The following DYNC1LI1 variants were observed in gnomAD, a reference collection of about 807,000 sequenced individuals.
DYNC1LI1 encodes dynein cytoplasmic 1 light intermediate chain 1.
In DYNC1LI1, 19 loss-of-function variants were observed where a neutral mutation model predicts 63.8. The observed-to-expected ratio is 0.30, with a 90% CI of 0.21 to 0.44. The LOEUF is 0.44. Ranked by LOEUF, DYNC1LI1 falls within the 20% of genes least tolerant of loss-of-function variation. The probability of loss-of-function intolerance (pLI) is 1.00; values close to 1 mark genes in which losing one functional copy is unlikely to be tolerated. For synonymous variants in DYNC1LI1, 225 were observed against 232.3 expected (o/e 0.97, Z 0.28); for missense variants, 565 against 630.2 (o/e 0.90, Z 1.11).
intron 2 of DYNC1LI1, among the ~76,000 whole-genome samples, chr3:32,563,971 T>C (rs1028197658): frequency 6.6e-6 from 1 of 152,234 alleles, no homozygotes; most frequent in Non-Finnish European, 1.5e-5. Context: ...CTCTATTAAC[T>C]GGCATTTGTG....
chr3:32,561,027 A>AAAAC (rs1559444454), intron 2 of DYNC1LI1, among the ~76,000 whole-genome samples: 3 of 141,076 alleles, frequency 2.1e-5, no homozygotes, highest in African/African-American at 8.9e-5. Context: ...AAAAAAAAAA[A>AAAAC]AAAAAACAAA....
Position 32,536,888 on chromosome 3 carries a change from C to T in DYNC1LI1, c.832+123G>A, listed in dbSNP as rs574700969. ...TTGGGAACTAAAATGAAATTTCCAA[C>T]CAGAGACAGAAGGAGAAATGTTTAC... On this transcript the variant is annotated intron_variant, in intron 6 of 12. Transcript: ENST00000273130. 146 of 566,810 alleles carry T rather than the reference C, an allele frequency of 2.6e-4. 3 individuals carry two copies. In the South Asian group the frequency reaches 3.5e-3, roughly 13 times the overall value. The allele number at this position is 566,810 out of a possible 1,614,324, so 35.1% of individuals were successfully genotyped here.
At chr3:32,528,390 T>C in intron 12 of DYNC1LI1, 56 bp downstream of exon 12, 1 of 1,595,856 alleles carries the variant, frequency 6.3e-7, no homozygotes, top group African/African-American at 1.3e-5. Flanking sequence ...GTGAACTTCA[T>C]TATATCTCAA....
At chr3:32,568,741 T>C (rs796938076) in intron 2 of DYNC1LI1, among the ~76,000 whole-genome samples, 4 of 152,258 alleles carry the variant, frequency 2.6e-5, no homozygotes, top group African/African-American at 9.6e-5. Context: ...CTGGACAAAA[T>C]GTATAAAATA....
intron 2 of DYNC1LI1, among the ~76,000 whole-genome samples, chr3:32,559,215 C>T (rs1223993517): frequency 6.6e-6 from 1 of 151,980 alleles, no homozygotes; most frequent in Non-Finnish European, 1.5e-5. Flanking sequence ...ATCAGTAATA[C>T]ACTAGAAATA....
chr3:32,562,722 G>C (rs544256519), intron 2 of DYNC1LI1, among the ~76,000 whole-genome samples: 26 of 152,228 alleles, frequency 1.7e-4, no homozygotes, highest in African/African-American at 6.3e-4. Context: ...ATTTTGAGAG[G>C]AAAGTGTTTT....
At chr3:32,560,975 C>T (rs1698181793) in intron 2 of DYNC1LI1, among the ~76,000 whole-genome samples, 1 of 124,296 alleles carries the variant, frequency 8.0e-6, no homozygotes, top group Non-Finnish European at 1.6e-5. Flanking sequence ...GCACTCCAGC[C>T]TGGGCAACAA....
At chr3:32,556,110 A>C (rs1698111236) in intron 2 of DYNC1LI1, among the ~76,000 whole-genome samples, 1 of 152,132 alleles carries the variant, frequency 6.6e-6, no homozygotes, top group Admixed American at 6.5e-5. Flanking sequence ...TCTTTCAGGA[A>C]CTTCTAGTCA....
chr3:32,532,487 G>GTGTA (rs369421174), intron 8 of DYNC1LI1: 2 of 125,376 alleles, frequency 1.6e-5, no homozygotes, highest in African/African-American at 6.0e-5. Flanking sequence ...AAAAATGTGT[G>GTGTA]TATATATATA....
chr3:32,570,553 G>C, intron 1 of DYNC1LI1, 72 bp downstream of exon 1: 2 of 1,516,188 alleles, frequency 1.3e-6, no homozygotes, highest in Non-Finnish European at 1.8e-6. Context: ...GCTCCAGCGG[G>C]CACGGGATCC....
At chr3:32,568,868 G>A (rs1445491940) in intron 2 of DYNC1LI1, among the ~76,000 whole-genome samples, 1 of 152,150 alleles carries the variant, frequency 6.6e-6, no homozygotes, top group Admixed American at 6.5e-5. Flanking sequence ...TTAGAAATGA[G>A]TAGTAATTTG....
intron 2 of DYNC1LI1, among the ~76,000 whole-genome samples, chr3:32,567,196 C>T (rs1698272094): frequency 6.6e-6 from 1 of 152,170 alleles, no homozygotes; most frequent in African/African-American, 2.4e-5. Context: ...CAGAACAGGG[C>T]CCTTATGTTG....
At chr3:32,528,381 T>C (rs1697650672) in intron 12 of DYNC1LI1, 65 bp downstream of exon 12, 5 of 1,569,978 alleles carry the variant, frequency 3.2e-6, no homozygotes, top group Non-Finnish European at 3.5e-6. Flanking sequence ...TTTACATGAG[T>C]GAACTTCATT....
At chr3:32,539,240 A>C (rs1278859301) in intron 5 of DYNC1LI1, among the ~76,000 whole-genome samples, 1 of 152,216 alleles carries the variant, frequency 6.6e-6, no homozygotes, top group East Asian at 1.9e-4. Flanking sequence ...AGCAGATGGC[A>C]GACTTTAACT....
chr3:32,553,694 C>G (rs998823661), intron 2 of DYNC1LI1, among the ~76,000 whole-genome samples: 1 of 152,200 alleles, frequency 6.6e-6, no homozygotes, highest in Non-Finnish European at 1.5e-5. Flanking sequence ...GAGTGCCTAC[C>G]TGCAAGAGTA....
At chr3:32,559,156 T>G (rs1698156463) in intron 2 of DYNC1LI1, among the ~76,000 whole-genome samples, 1 of 151,954 alleles carries the variant, frequency 6.6e-6, no homozygotes, top group Non-Finnish European at 1.5e-5. Flanking sequence ...CCGAGTAACT[T>G]GCACTACAGG....
At chr3:32,549,740 G>C (rs1698006637) in intron 2 of DYNC1LI1, among the ~76,000 whole-genome samples, 1 of 152,050 alleles carries the variant, frequency 6.6e-6, no homozygotes, top group Non-Finnish European at 1.5e-5. Flanking sequence ...ACACTACCTT[G>C]ATTGAGCCAT....
rs143775988 is a variant in DYNC1LI1, at chr3:32,545,957, C to T, written c.229G>A (p.Gly77Arg). ...CTTATTAAGCTTGTTTTTCCAGCTCCATCTTCACCTAGATATGTAAAAAAA... is the reference window on the plus strand; with the variant it reads ...CTTATTAAGCTTGTTTTTCCAGCTCTATCTTCACCTAGATATGTAAAAAAA... ...GKNVLLLGED[G>R]AGKTSLIRKI... is the part of the protein sequence containing the mutation. Residue 77 changes from glycine to arginine, a missense_variant, in exon 3 of 13, where the codon GGA becomes AGA. Coordinates refer to ENST00000273130, the MANE Select transcript of DYNC1LI1 (RefSeq NM_016141.4). 2,925 of 1,579,648 alleles carry T rather than the reference C, an allele frequency of 1.9e-3. 9 individuals are homozygous for T. Among genetic ancestry groups the T allele is most frequent in the Non-Finnish European group, 2.5e-3 (2,821 of 1,150,456 alleles).
chr3:32,544,893 T>G lies in DYNC1LI1; in HGVS notation c.551A>C (p.Lys184Thr). The change falls in exon 4 of 13, where the codon AAA (lysine) becomes ACA (threonine). Residue 184 changes from lysine (K) to threonine (T), a missense_variant. By Grantham distance (78) the Lys-to-Thr change is moderately conservative. Transcript: ENST00000273130. Reference protein sequence around the residue: ...DKLKIPPEEMKQMEQKLIRDF... With the variant: ...DKLKIPPEEMTQMEQKLIRDF... ...TTACTTACACTTTTGTTCCATTTGT[T>G]TCATTTCTTCAGGAGGGATTTTCAG... 6.2e-7 allele frequency: 1 copy of G among 1,611,354 alleles called. No individual in the cohort carries two copies. Among genetic ancestry groups the G allele is most frequent in the Non-Finnish European group, 8.5e-7 (1 of 1,177,632 alleles).
Sources: allele counts gnomAD v4.1 joint callset (sites outside exome capture counted in the v4.1 genomes callset), GRCh38; gene constraint gnomAD v4.1.1; transcripts MANE v1.5; gene names NCBI Gene and HGNC (gene_info 2026-07-23, HGNC 2026-07-21).